Variants in DPYSL2 observed in about 807,000 individuals in gnomAD.
DPYSL2 encodes the protein dihydropyrimidinase-related protein 2.
In DPYSL2, 13 loss-of-function variants were observed where a neutral mutation model predicts 69.9. The observed-to-expected ratio is 0.19, with a 90% confidence interval of 0.12 to 0.30. The LOEUF is 0.30. Ranked by LOEUF, DPYSL2 falls within the 10% of genes least tolerant of loss-of-function variation. DPYSL2 has a pLI of 1.00. For missense variants in DPYSL2, 587 were observed against 918.9 expected (o/e 0.64, Z 4.67); for synonymous variants, 326 against 359.1 (o/e 0.91, Z 1.04).
intron 3 of DPYSL2, among the ~76,000 whole-genome samples, chr8:26,616,630 G>A (rs1156832736): frequency 6.6e-6 from 1 of 152,250 alleles, no homozygotes; most frequent in Non-Finnish European, 1.5e-5. Flanking sequence ...GCAGGGGAAG[G>A]TGTGTGCACT....
intron 1 of DPYSL2, among the ~76,000 whole-genome samples, chr8:26,579,357 C>T: frequency 6.6e-6 from 1 of 152,254 alleles, no homozygotes; most frequent in Non-Finnish European, 1.5e-5. Context: ...TTCGTTCGTC[C>T]TATTCTTTCC....
chr8:26,539,828 C>T (rs1223055584), intron 1 of DPYSL2, among the ~76,000 whole-genome samples: 1 of 152,200 alleles, frequency 6.6e-6, no homozygotes, highest in Non-Finnish European at 1.5e-5. Context: ...TCCACCCAGC[C>T]AACACCCTCA....
At chr8:26,543,587 A>G (rs1800718938) in intron 1 of DPYSL2, among the ~76,000 whole-genome samples, 1 of 151,824 alleles carries the variant, frequency 6.6e-6, no homozygotes, top group Non-Finnish European at 1.5e-5. Flanking sequence ...TCCAGGGTTC[A>G]AGCGATTCTC....
At position 26,624,952 on chromosome 8, in the gene DPYSL2, T is replaced by C. The variant is rs1240010577; in HGVS notation, c.793+645T>C. 6.6e-6 allele frequency among the ~76,000 whole-genome samples: 1 copy of C among 152,156 alleles called. No individual in the cohort carries two copies. On this transcript the variant is annotated intron_variant, in intron 4 of 13. Coordinates refer to ENST00000521913, the MANE Select transcript of DPYSL2 (RefSeq NM_001197293.3). This position sits in a 1 kb window ranked among gnomAD's most constrained non-coding sequence, Gnocchi z 4.7. ...GAAGAGCCAGGCCACATCATCTTCC[T>C]GGGTCTCGCTGGGCTTGGCTAGAGA...
At chr8:26,556,261 CTATAG>C (rs1164119744) in intron 1 of DPYSL2, among the ~76,000 whole-genome samples, 1 of 2,530 alleles carries the variant, frequency 4.0e-4, no homozygotes, top group Non-Finnish European at 1.2e-3. Context: ...TATATATATA[CTATAG>C]TATATATAGT....
chr8:26,649,946 A>G (rs2129990001), intron 11 of DPYSL2, among the ~76,000 whole-genome samples: 1 of 152,250 alleles, frequency 6.6e-6, no homozygotes, highest in South Asian at 2.1e-4. Context: ...CATCTTTTAA[A>G]AATGATAGAT....
At chr8:26,566,529 G>A (rs771290526) in intron 1 of DPYSL2, among the ~76,000 whole-genome samples, 5 of 152,140 alleles carry the variant, frequency 3.3e-5, no homozygotes, top group Non-Finnish European at 7.3e-5. Context: ...TTGACAAAGC[G>A]GTGGGGCTCA....
intron 1 of DPYSL2, among the ~76,000 whole-genome samples, chr8:26,554,366 G>GTT (rs35311135): frequency 1.4e-3 from 207 of 145,902 alleles, no homozygotes; most frequent in East Asian, 0.012. Context: ...GTTTTTAATG[G>GTT]TTTTTTTTTT....
In DPYSL2 at chr8:26,565,540, G is replaced by T. The variant is rs1385208488; in HGVS notation, c.355-16429G>T. On this transcript the variant is annotated intron_variant, in intron 1 of 13. Transcript: ENST00000521913. This position sits in a 1 kb window ranked among gnomAD's most constrained non-coding sequence, Gnocchi z 4.1. Reference sequence around the variant, plus strand: ...CTTGGAGTGAATGGCTAAAGATAAGGGCAGGCCAAGGTCATGGGTCAGCAA... The same window carrying T: ...CTTGGAGTGAATGGCTAAAGATAAGTGCAGGCCAAGGTCATGGGTCAGCAA... Among the ~76,000 whole-genome samples, 1 of 152,088 alleles carries T rather than the reference G, an allele frequency of 6.6e-6. No homozygotes were observed. Among genetic ancestry groups the T allele is most frequent in the Non-Finnish European group, 1.5e-5 (1 of 68,018 alleles).
chr8:26,538,212 G>A (rs1364177017), intron 1 of DPYSL2, among the ~76,000 whole-genome samples: 1 of 152,132 alleles, frequency 6.6e-6, no homozygotes, highest in Non-Finnish European at 1.5e-5. Context: ...GAGGAGGAGT[G>A]ATGTCAGCAA....
At chr8:26,552,976 A>G (rs749482772) in intron 1 of DPYSL2, among the ~76,000 whole-genome samples, 3 of 152,214 alleles carry the variant, frequency 2.0e-5, no homozygotes, top group Admixed American at 6.5e-5. Flanking sequence ...ACAGGCCATC[A>G]CTGCTGATCC....
At chr8:26,651,057 A>G (rs1480522015) in intron 11 of DPYSL2, among the ~76,000 whole-genome samples, 1 of 152,162 alleles carries the variant, frequency 6.6e-6, no homozygotes, top group African/African-American at 2.4e-5. Flanking sequence ...CTTAGAATTG[A>G]TGAAAGACAA....
At position 26,643,932 on chromosome 8, in the gene DPYSL2, T is replaced by C; in HGVS notation, c.1284-18T>C. 4 of 1,612,432 alleles carry C rather than the reference T, an allele frequency of 2.5e-6. No individual in the cohort carries two copies. The highest frequency in any genetic ancestry group is 3.4e-6 in the Non-Finnish European group (4 of 1,179,018). ...TCTTGACGAAGCTGCAGCACCACGTTATGCATTTTCTTTGCAGTGGAGACC... is the reference window on the plus strand; with the variant it reads ...TCTTGACGAAGCTGCAGCACCACGTCATGCATTTTCTTTGCAGTGGAGACC... On this transcript the variant is annotated intron_variant, in intron 9 of 13. Transcript: ENST00000521913. The surrounding 1 kb of genome is among the most constrained non-coding windows in gnomAD (Gnocchi z 6.5).
intron 1 of DPYSL2, among the ~76,000 whole-genome samples, chr8:26,549,908 TAA>T (rs553570724): frequency 6.7e-6 from 1 of 149,210 alleles, no homozygotes; most frequent in Non-Finnish European, 1.5e-5. Flanking sequence ...CAAGAAATGT[TAA>T]AAAAAAAATC....
chr8:26,618,302 T>A (rs1802400944), intron 3 of DPYSL2, among the ~76,000 whole-genome samples: 2 of 137,262 alleles, frequency 1.5e-5, no homozygotes, highest in South Asian at 2.3e-4. Context: ...CTGCATGGTA[T>A]GTGGTTTTAC....
At position 26,597,155 on chromosome 8, in the gene DPYSL2, G is replaced by A. The variant is rs1801880166; in HGVS notation, c.628+13172G>A. ...TATTGGGTGTCTCTTCTCTCCTACA[G>A]AAGCCCTGGGTTGATGCCCTAGATC... On this transcript the variant is annotated intron_variant, in intron 3 of 13. Coordinates refer to ENST00000521913, the MANE Select transcript of DPYSL2 (RefSeq NM_001197293.3). The surrounding 1 kb of genome is among the most constrained non-coding windows in gnomAD (Gnocchi z 5.2). Among the ~76,000 whole-genome samples the A allele has an allele frequency of 6.6e-6, 1 of 152,216 alleles. No individual in the cohort carries two copies. The highest frequency in any genetic ancestry group is 1.5e-5 in the Non-Finnish European group (1 of 68,046).
Position 26,647,626 on chromosome 8 carries a change from T to C in DPYSL2, c.1426-4T>C. 6.2e-7 allele frequency: 1 copy of C among 1,611,032 alleles called. No homozygotes were observed. The highest frequency in any genetic ancestry group is 8.5e-7 in the Non-Finnish European group (1 of 1,178,618). On this transcript the variant is annotated splice_polypyrimidine_tract_variant and splice_region_variant and intron_variant, in intron 10 of 13. Coordinates refer to ENST00000521913, the MANE Select transcript of DPYSL2 (RefSeq NM_001197293.3). This position sits in a 1 kb window ranked among gnomAD's most constrained non-coding sequence, Gnocchi z 5.1. ...CCTGTGCACACCTATGCTGTCTCCC[T>C]CAGGTCACTGGGAAGATGGATGAGA...
At chr8:26,651,746 A>T (rs923814273) in intron 11 of DPYSL2, among the ~76,000 whole-genome samples, 31 of 152,334 alleles carry the variant, frequency 2.0e-4, no homozygotes, top group African/African-American at 7.2e-4. Flanking sequence ...CAATCATTTT[A>T]TCGGAGGCAT....
chr8:26,643,697 C>A lies in DPYSL2; in HGVS notation c.1283+102C>A. The stretch of plus-strand genomic sequence containing the variant: ...ATGGTGGCCAAGAGCAGCCATAAAA[C>A]TGGGAGACCCTTGTTCACCAAACTA... On this transcript the variant is annotated intron_variant, in intron 9 of 13. Coordinates refer to ENST00000521913, the MANE Select transcript of DPYSL2 (RefSeq NM_001197293.3). The surrounding 1 kb of genome is among the most constrained non-coding windows in gnomAD (Gnocchi z 6.5). 1 of 1,531,440 alleles carries A rather than the reference C, an allele frequency of 6.5e-7. No individual in the cohort carries two copies. The highest frequency in any genetic ancestry group is 1.2e-5 in the South Asian group (1 of 85,904). 94.9% of individuals were successfully genotyped at this position (1,531,440 alleles called of 1,614,324 possible).
Sources: allele counts gnomAD v4.1 joint callset (sites outside exome capture counted in the v4.1 genomes callset), GRCh38; gene constraint gnomAD v4.1.1; non-coding constraint Gnocchi (gnomAD v3.1); transcripts MANE v1.5; gene names NCBI Gene and HGNC (gene_info 2026-07-23, HGNC 2026-07-21).